STAU2: variants seen among roughly 807,000 people sequenced by gnomAD.
STAU2 encodes the protein double-stranded RNA-binding protein Staufen homolog 2.
Under a neutral mutation model 65.9 loss-of-function variants are expected in STAU2, and 20 were observed. The observed-to-expected ratio is 0.30, with a 90% CI of 0.21 to 0.44. STAU2 has a LOEUF of 0.44. Ranked by LOEUF, STAU2 falls within the 20% of genes least tolerant of loss-of-function variation. STAU2 has a pLI of 1.00. For missense variants in STAU2, 558 were observed against 683.9 expected (o/e 0.82, Z 2.05); for synonymous variants, 232 against 233.9 (o/e 0.99, Z 0.07).
At chr8:73,515,434 G>A (rs1309093535) in intron 13 of STAU2, among the ~76,000 whole-genome samples, 1 of 152,206 alleles carries the variant, frequency 6.6e-6, no homozygotes, top group African/African-American at 2.4e-5. Flanking sequence ...GTGGAATTCT[G>A]TCAACCTTCA....
intron 6 of STAU2, among the ~76,000 whole-genome samples, chr8:73,643,390 A>C (rs1815136703): frequency 6.6e-6 from 1 of 152,178 alleles, no homozygotes; most frequent in African/African-American, 2.4e-5. Flanking sequence ...AGTCCCAATC[A>C]AGGAGTTCAC....
intron 5 of STAU2, among the ~76,000 whole-genome samples, chr8:73,687,340 A>ATATTTATATTTATAAATATAAATTG: frequency 1.1e-5 from 1 of 89,914 alleles, no homozygotes; most frequent in Admixed American, 1.6e-4. Flanking sequence ...AATATAATTT[A>ATATTTATATTTATAAATATAAATTG]TATTTATAAT....
intron 3 of STAU2, among the ~76,000 whole-genome samples, chr8:73,713,375 T>C (rs966354792): frequency 6.6e-6 from 1 of 152,088 alleles, no homozygotes; most frequent in African/African-American, 2.4e-5. Context: ...ATAATGTAGC[T>C]CACAGGCAAA....
At chr8:73,722,856 G>C (rs923197234) in intron 3 of STAU2, among the ~76,000 whole-genome samples, 2 of 152,108 alleles carry the variant, frequency 1.3e-5, no homozygotes, top group Non-Finnish European at 2.9e-5. Context: ...TTCCTACAGT[G>C]TATTTCTAGT....
In STAU2 at chr8:73,582,829, G is replaced by C. The variant is rs1810089411; in HGVS notation, c.1163C>G (p.Thr388Arg). The change falls in exon 12 of 15, where the codon ACA (threonine) becomes AGA (arginine). Residue 388 changes from threonine (T) to arginine (R), a missense_variant and splice_region_variant. Physicochemically the swap from Thr to Arg is moderately conservative, Grantham distance 71 (BLOSUM62 -1). Coordinates refer to ENST00000524300, the MANE Select transcript of STAU2 (RefSeq NM_001164380.2). ...ACCACTCCATCCTTTGTTTTCCCCTGTCTGAAAGATTAAATCAATCGTTCA... is the reference window on the plus strand; with the variant it reads ...ACCACTCCATCCTTTGTTTTCCCCTCTCTGAAAGATTAAATCAATCGTTCA... The part of the protein sequence containing the change: ...STNLQDQLEK[T>R]GENKGWSGPK... The C allele has an allele frequency of 6.2e-7, 1 of 1,608,418 alleles. No individual in the cohort carries two copies. The highest frequency in any genetic ancestry group is 1.1e-5 in the South Asian group (1 of 90,478).
intron 3 of STAU2, among the ~76,000 whole-genome samples, chr8:73,725,872 G>A (rs763652285): frequency 6.6e-6 from 1 of 152,186 alleles, no homozygotes; most frequent in Non-Finnish European, 1.5e-5. Context: ...GGTCGAGGCT[G>A]CAGTGAGCCA....
chr8:73,499,212 T>A (rs1821600585), intron 13 of STAU2, among the ~76,000 whole-genome samples: 1 of 151,832 alleles, frequency 6.6e-6, no homozygotes, highest in Admixed American at 6.6e-5. Context: ...TTATTTAAAA[T>A]CAATCAGTCT....
chr8:73,747,419 T>A, upstream of STAU2: 1 of 1,535,254 alleles, frequency 6.5e-7, no homozygotes, highest in Non-Finnish European at 8.7e-7. Context: ...CCCTCTGTGC[T>A]GTGCAGGGGA....
At chr8:73,515,375 G>C (rs930017601) in intron 13 of STAU2, among the ~76,000 whole-genome samples, 4 of 152,216 alleles carry the variant, frequency 2.6e-5, no homozygotes, top group Non-Finnish European at 4.4e-5. Context: ...CTGCCAGCAA[G>C]TAGACTGATA....
chr8:73,588,463 C>A (rs1177306892), intron 11 of STAU2, among the ~76,000 whole-genome samples: 2 of 152,220 alleles, frequency 1.3e-5, no homozygotes, highest in African/African-American at 4.8e-5. Flanking sequence ...CAGCTGCAGA[C>A]CAGAGAGAGC....
intron 7 of STAU2, 128 bp downstream of exon 7, chr8:73,617,164 G>T: frequency 8.8e-7 from 1 of 1,141,990 alleles, no homozygotes; most frequent in Non-Finnish European, 1.2e-6. Flanking sequence ...CATGAAGCAA[G>T]ACTGTCAGGT....
At position 73,571,008 on chromosome 8, in the gene STAU2, A is replaced by G. The variant is rs1211602815; in HGVS notation, c.1222+11762T>C. 3.3e-5 allele frequency among the ~76,000 whole-genome samples: 5 copies of G among 152,120 alleles called. No homozygotes were observed. The East Asian group carries it at 9.6e-4, about 29-fold the overall frequency. On this transcript the variant is annotated intron_variant, in intron 12 of 14. Coordinates refer to ENST00000524300, the MANE Select transcript of STAU2 (RefSeq NM_001164380.2). ...GCTGTATTCAGGAGACCCATCTCAC[A>G]TGCAGAGACACACATAGGCTCAAAA... is the stretch of plus-strand genomic sequence containing the variant.
At chr8:73,647,470 A>C (rs768851667) in intron 6 of STAU2, among the ~76,000 whole-genome samples, 1 of 152,236 alleles carries the variant, frequency 6.6e-6, no homozygotes, top group Non-Finnish European at 1.5e-5. Context: ...GAGATGGAGA[A>C]CACATTCATG....
intron 12 of STAU2, among the ~76,000 whole-genome samples, chr8:73,571,636 G>C (rs995621173): frequency 1.3e-5 from 2 of 152,196 alleles, no homozygotes; most frequent in African/African-American, 2.4e-5. Context: ...ACAACCTGCT[G>C]CTGAATGACT....
intron 1 of STAU2, among the ~76,000 whole-genome samples, chr8:73,741,725 C>A (rs1806897655): frequency 6.6e-6 from 1 of 152,108 alleles, no homozygotes; most frequent in Non-Finnish European, 1.5e-5. Flanking sequence ...GTTGGCCAGG[C>A]TGGTCTCGAA....
At chr8:73,450,769 T>C (rs891467486) in intron 13 of STAU2, among the ~76,000 whole-genome samples, 1 of 152,188 alleles carries the variant, frequency 6.6e-6, no homozygotes, top group African/African-American at 2.4e-5. Context: ...AGGAGAAGGC[T>C]GGGGAGTGAG....
At chr8:73,440,904 A>T (rs1818083358) in intron 13 of STAU2, 1 of 151,952 alleles carries the variant, frequency 6.6e-6, no homozygotes, top group African/African-American at 2.4e-5. Flanking sequence ...CGCCTACCAC[A>T]TGCTCCCAGC....
intron 13 of STAU2, among the ~76,000 whole-genome samples, chr8:73,520,997 A>G (rs902550375): frequency 3.9e-5 from 6 of 152,178 alleles, no homozygotes; most frequent in African/African-American, 1.4e-4. Flanking sequence ...GGGCAAGGGA[A>G]TACAGATACT....
At chr8:73,624,098 T>C (rs1264185018) in intron 6 of STAU2, among the ~76,000 whole-genome samples, 1 of 152,078 alleles carries the variant, frequency 6.6e-6, no homozygotes, top group Admixed American at 6.5e-5. Context: ...TTTCCTCTCA[T>C]AATTTCAAGT....
Sources: gnomAD v4.1 joint callset for allele counts (sites outside exome capture counted in the v4.1 genomes callset) on GRCh38, gnomAD v4.1.1 for gene constraint, MANE v1.5 for transcripts, NCBI Gene and HGNC (gene_info 2026-07-23, HGNC 2026-07-21) for gene names.